The following DSG4 variants were observed in gnomAD, a reference collection of about 807,000 sequenced individuals.
DSG4 encodes the protein desmoglein-4.
DSG4 carries 87 observed loss-of-function variants against 93.1 expected under a neutral mutation model. The observed-to-expected ratio is 0.93, with a 90% CI of 0.79 to 1.12. DSG4 has a LOEUF of 1.12. Among genes scored for constraint, DSG4 ranks in the 50% most tolerant of loss-of-function variants. The probability of loss-of-function intolerance (pLI) is 0.00; values close to 1 mark genes in which losing one functional copy is unlikely to be tolerated. For synonymous variants in DSG4, 432 were observed against 452.9 expected, an observed-to-expected ratio of 0.95 and a Z score of 0.59; for missense variants, 1,373 against 1,285.7, an observed-to-expected ratio of 1.07 and a Z score of -1.04.
In DSG4 at chr18:31,399,458, A is replaced by G. The variant is rs1318035719; in HGVS notation, c.1192A>G (p.Ile398Val). 2 of 1,614,120 alleles carry G rather than the reference A, an allele frequency of 1.2e-6. No homozygotes were observed. Among genetic ancestry groups the G allele is most frequent in the Non-Finnish European group, 8.5e-7 (1 of 1,179,972 alleles). The change falls in exon 9 of 16, where the codon ATA becomes GTA. Residue 398 changes from isoleucine (I) to valine (V), a missense_variant. Coordinates refer to ENST00000308128, the MANE Select transcript of DSG4 (RefSeq NM_177986.5). ...TATGGCTTTTAGTGTGCGGGAAGGAATAAAAGGAAGTTCCTTATTGAATTA... is the reference window on the plus strand; with the variant it reads ...TATGGCTTTTAGTGTGCGGGAAGGAGTAAAAGGAAGTTCCTTATTGAATTA... ...STMAFSVREG[I>V]KGSSLLNYVL... is the part of the protein sequence containing the mutation.
intron 4 of DSG4, 128 bp downstream of exon 4, chr18:31,388,650 A>G (rs2072215356): frequency 1.5e-6 from 2 of 1,354,460 alleles, no homozygotes; most frequent in Admixed American, 2.0e-5. Flanking sequence ...GAAGACTTGA[A>G]GGAATGGAAA....
chr18:31,386,690 GA>G lies in DSG4; in HGVS notation c.89del (p.Lys30ArgfsTer54), dbSNP rs1568062067. On this transcript the variant is annotated frameshift_variant, in exon 3 of 16. Transcript: ENST00000308128. LOFTEE classifies it high-confidence loss of function. The part of the protein sequence containing the change: ...EVNSEFIVEV[K>X]EFDIENGTTK... ...CACCTGAACCATTTTTGCTTAAGGT[GA>G]AGGAATTTGACATTGAAAATGGCAC... The G allele has an allele frequency of 6.2e-7, 1 of 1,612,978 alleles. No individual in the cohort carries two copies. Among genetic ancestry groups the G allele is most frequent in the South Asian group, 1.1e-5 (1 of 91,034 alleles).
intron 15 of DSG4, among the ~76,000 whole-genome samples, chr18:31,412,547 T>C (rs1314241214): frequency 6.6e-6 from 1 of 152,238 alleles, no homozygotes; most frequent in African/African-American, 2.4e-5. Flanking sequence ...GTCGGCCTGC[T>C]TTATTCTCCA....
chr18:31,407,160 A>C (rs1030981633), intron 12 of DSG4, among the ~76,000 whole-genome samples: 15 of 152,126 alleles, frequency 9.9e-5, no homozygotes, highest in African/African-American at 3.6e-4. Context: ...CCACACACAC[A>C]AACAAAAGGG....
At chr18:31,406,826 G>A (rs1158133075) in intron 12 of DSG4, among the ~76,000 whole-genome samples, 3 of 151,450 alleles carry the variant, frequency 2.0e-5, no homozygotes, top group African/African-American at 7.3e-5. Context: ...TGCCCAGGCT[G>A]GAGTGCAGTG....
chr18:31,390,992 AAGAGT>A, intron 6 of DSG4, 81 bp from the exon 7 acceptor site: 2 of 1,563,924 alleles, frequency 1.3e-6, no homozygotes, highest in Non-Finnish European at 1.7e-6. Flanking sequence ...ATGTAAATAA[AAGAGT>A]AGAGAAATAA....
intron 8 of DSG4, among the ~76,000 whole-genome samples, chr18:31,396,413 G>C (rs889547366): frequency 1.3e-4 from 19 of 141,100 alleles, no homozygotes; most frequent in African/African-American, 4.9e-4. Flanking sequence ...ACTCAGGCTG[G>C]AGTGCAGTGG....
chr18:31,406,015 A>G (rs2144208673), intron 11 of DSG4, 62 bp from the exon 12 acceptor site: 2 of 1,599,352 alleles, frequency 1.3e-6, no homozygotes, highest in African/African-American at 1.3e-5. Flanking sequence ...GGGAGAGTTA[A>G]CCACCCCCCT....
chr18:31,380,533 T>C (rs1432568974), intron 1 of DSG4, among the ~76,000 whole-genome samples: 1 of 152,210 alleles, frequency 6.6e-6, no homozygotes, highest in African/African-American at 2.4e-5. Flanking sequence ...TGTTTGCCCT[T>C]CTTTTCTACG....
intron 13 of DSG4, 39 bp from the exon 14 acceptor site, chr18:31,409,706 T>C: frequency 1.9e-6 from 3 of 1,614,110 alleles, no homozygotes; most frequent in Non-Finnish European, 1.7e-6. Flanking sequence ...ATGTTTAACA[T>C]AAAGCGTTTG....
In DSG4 at chr18:31,377,057, T is replaced by A. The variant is rs113750504; in HGVS notation, c.48+98T>A. The A allele has an allele frequency of 3.3e-4, 425 of 1,302,616 alleles. 3 individuals are homozygous for A. The South Asian group carries it at 4.8e-3, about 15-fold the overall frequency. The allele number at this position is 1,302,616 out of a possible 1,614,324, so 80.7% of individuals were successfully genotyped here. ...TACATGGGATTTATTCCATTTTTAA[T>A]CTCCTTCCTGCAAAGAGAGTTCTAG... On this transcript the variant is annotated intron_variant, in intron 1 of 15. Coordinates refer to ENST00000308128, the MANE Select transcript of DSG4 (RefSeq NM_177986.5).
chr18:31,398,789 A>T (rs1013784120), intron 8 of DSG4, among the ~76,000 whole-genome samples: 1 of 151,368 alleles, frequency 6.6e-6, no homozygotes, highest in Non-Finnish European at 1.5e-5. Context: ...GTACACCATT[A>T]AAAAAAAATT....
At chr18:31,390,945 A>G in intron 6 of DSG4, 123 bp downstream of exon 6, 1 of 1,495,106 alleles carries the variant, frequency 6.7e-7, no homozygotes, top group Non-Finnish European at 9.0e-7. Flanking sequence ...CATTTTTAAT[A>G]AAAATTAAAA....
Position 31,388,877 on chromosome 18 carries a change from T to G in DSG4, c.376T>G (p.Tyr126Asp). The stretch of plus-strand genomic sequence containing the variant: ...GCTTTTTTCCAATTTTCCACAGATC[T>G]ATTGCCGGGCTCTGAATTCACGGGG... ...DREITPLFLI[Y>D]CRALNSRGED... is the part of the protein sequence containing the mutation. Residue 126 changes from tyrosine (Y) to aspartate (D), a missense_variant, in exon 5 of 16, where the codon TAT becomes GAT. By Grantham distance (160) the Tyr-to-Asp change is radical. Transcript: ENST00000308128. 6.2e-7 allele frequency: 1 copy of G among 1,613,574 alleles called. No homozygotes were observed. The highest frequency in any genetic ancestry group is 8.5e-7 in the Non-Finnish European group (1 of 1,179,582).
chr18:31,379,715 GA>G (rs1407835580), intron 1 of DSG4, among the ~76,000 whole-genome samples: 5 of 152,252 alleles, frequency 3.3e-5, no homozygotes, highest in African/African-American at 9.6e-5. Context: ...ATCAAAATTT[GA>G]AAACATATTT....
intron 8 of DSG4, 86 bp from the exon 9 acceptor site, chr18:31,399,186 T>C (rs1598745266): frequency 5.8e-6 from 9 of 1,550,426 alleles, no homozygotes; most frequent in Admixed American, 1.7e-5. Context: ...CTTATTCTAG[T>C]GTGTGGTTTG....
At chr18:31,398,129 T>C (rs1192569677) in intron 8 of DSG4, among the ~76,000 whole-genome samples, 1 of 151,704 alleles carries the variant, frequency 6.6e-6, no homozygotes, top group Admixed American at 6.6e-5. Context: ...AGAAGAAAGA[T>C]CTCTTCCAAT....
intron 10 of DSG4, 77 bp from the exon 11 acceptor site, chr18:31,403,339 G>T: frequency 8.3e-7 from 1 of 1,206,262 alleles, no homozygotes; most frequent in African/African-American, 1.5e-5. Context: ...AAGTTCCATG[G>T]CATCATCAGG....
At chr18:31,385,998 A>G (rs1159338230) in intron 2 of DSG4, among the ~76,000 whole-genome samples, 1 of 152,188 alleles carries the variant, frequency 6.6e-6, no homozygotes, top group Admixed American at 6.5e-5. Context: ...CATTAATAGT[A>G]TGAAATTCTT....
Sources: allele counts gnomAD v4.1 joint callset (sites outside exome capture counted in the v4.1 genomes callset), GRCh38; gene constraint gnomAD v4.1.1; transcripts MANE v1.5; gene names NCBI Gene and HGNC (gene_info 2026-07-23, HGNC 2026-07-21).